RFX7: variants seen among roughly 807,000 people sequenced by gnomAD.
RFX7 encodes DNA-binding protein RFX7.
A neutral mutation model predicts 111.8 loss-of-function variants in RFX7; 26 were observed. The observed-to-expected ratio is 0.23, with a 90% CI of 0.17 to 0.32. The LOEUF (loss-of-function observed/expected upper bound fraction) is 0.32. Among genes scored for constraint, RFX7 ranks in the 10% least tolerant of loss-of-function variants. The pLI is 1.00. For missense variants in RFX7, 1,573 were observed against 1,772.9 expected, an observed-to-expected ratio of 0.89 and a Z score of 2.02; for synonymous variants, 624 against 624.4, an observed-to-expected ratio of 1.00 and a Z score of 0.01.
In RFX7 at chr15:56,117,684, C is replaced by T. The variant is rs143722004; in HGVS notation, c.402-14014G>A. 2.2e-3 allele frequency among the ~76,000 whole-genome samples: 335 copies of T among 152,198 alleles called. 1 individual carries two copies. Among genetic ancestry groups the T allele is most frequent in the Non-Finnish European group, 3.1e-3 (210 of 67,980 alleles). On this transcript the variant is annotated intron_variant, in intron 5 of 9. Transcript: ENST00000559447. ...TGTTCTACCTTTTACTTCTGTGAAA[C>T]GAACTTTTATCAACTTCCACATATG... is the stretch of plus-strand genomic sequence containing the variant.
chr15:56,113,580 G>A (rs989235778), intron 5 of RFX7, among the ~76,000 whole-genome samples: 1 of 151,774 alleles, frequency 6.6e-6, no homozygotes, highest in Admixed American at 6.6e-5. Context: ...CAGGTTGGTA[G>A]GTGCAGCAAA....
chr15:56,101,640 T>C, intron 7 of RFX7, 74 bp from the exon 8 acceptor site: 1 of 1,260,640 alleles, frequency 7.9e-7, no homozygotes, highest in Non-Finnish European at 1.1e-6. Flanking sequence ...TAAAGATATG[T>C]ATTCTTAATT....
chr15:56,181,538 A>T (rs1352498220), intron 2 of RFX7, among the ~76,000 whole-genome samples: 1 of 152,196 alleles, frequency 6.6e-6, no homozygotes, highest in Non-Finnish European at 1.5e-5. Flanking sequence ...TGGTATATGT[A>T]AGGAGTTCAA....
At chr15:56,208,284 G>C (rs1223105720) in intron 2 of RFX7, among the ~76,000 whole-genome samples, 1 of 152,120 alleles carries the variant, frequency 6.6e-6, no homozygotes, top group African/African-American at 2.4e-5. Flanking sequence ...CTGGGCAAAA[G>C]GCAAAACCCA....
chr15:56,194,636 AAAT>A (rs1445150504), intron 2 of RFX7, among the ~76,000 whole-genome samples: 1 of 152,090 alleles, frequency 6.6e-6, no homozygotes, highest in African/African-American at 2.4e-5. Flanking sequence ...ATATTTAAAA[AAAT>A]AATAATAGTC....
At chr15:56,234,522 T>C (rs556749128) in intron 2 of RFX7, among the ~76,000 whole-genome samples, 1 of 152,344 alleles carries the variant, frequency 6.6e-6, no homozygotes, top group African/African-American at 2.4e-5. Context: ...ATTGCTTTGA[T>C]ATATCTTATT....
chr15:56,237,375 G>A (rs1281707805), intron 2 of RFX7, among the ~76,000 whole-genome samples: 2 of 152,136 alleles, frequency 1.3e-5, no homozygotes, highest in African/African-American at 4.8e-5. Context: ...GGCATACTTT[G>A]TATATAGCAG....
At chr15:56,111,527 C>T (rs2140940844) in intron 5 of RFX7, among the ~76,000 whole-genome samples, 1 of 151,638 alleles carries the variant, frequency 6.6e-6, no homozygotes, top group Admixed American at 6.6e-5. Context: ...CCGCAGGGTC[C>T]TCTGCCTAGG....
At chr15:56,128,031 TGAAA>T (rs2042167658) in intron 5 of RFX7, among the ~76,000 whole-genome samples, 1 of 151,922 alleles carries the variant, frequency 6.6e-6, no homozygotes, top group Non-Finnish European at 1.5e-5. Context: ...ATAATATACA[TGAAA>T]GAAACAAAAT....
intron 3 of RFX7, among the ~76,000 whole-genome samples, chr15:56,176,241 G>T (rs1200941460): frequency 6.6e-6 from 1 of 152,068 alleles, no homozygotes; most frequent in Non-Finnish European, 1.5e-5. Context: ...AAGGGGAGGA[G>T]AGAATCAAGG....
chr15:56,157,692 G>A (rs1279353592), intron 3 of RFX7, among the ~76,000 whole-genome samples: 1 of 152,226 alleles, frequency 6.6e-6, no homozygotes, highest in Non-Finnish European at 1.5e-5. Flanking sequence ...GCATTCTCCT[G>A]CCTCAGCCTC....
intron 2 of RFX7, among the ~76,000 whole-genome samples, chr15:56,201,250 G>T (rs1217633546): frequency 6.6e-6 from 1 of 152,032 alleles, no homozygotes; most frequent in Non-Finnish European, 1.5e-5. Context: ...TCCCAAATCT[G>T]GTCCAAAAAA....
intron 3 of RFX7, among the ~76,000 whole-genome samples, chr15:56,164,665 T>C (rs1219939351): frequency 6.6e-6 from 1 of 152,206 alleles, no homozygotes; most frequent in Non-Finnish European, 1.5e-5. Context: ...TTAACTATGC[T>C]AAAATTGGAT....
intron 5 of RFX7, among the ~76,000 whole-genome samples, chr15:56,136,354 AG>A (rs1241084013): frequency 7.0e-6 from 1 of 143,140 alleles, no homozygotes; most frequent in Non-Finnish European, 1.5e-5. Context: ...TTGGATTCCT[AG>A]GTATTTTATT....
chr15:56,230,073 T>TA (rs150479611), intron 2 of RFX7, among the ~76,000 whole-genome samples: 4,081 of 151,104 alleles, frequency 0.027, 177 homozygotes, highest in African/African-American at 0.092. Context: ...TCTTGTCTCC[T>TA]AAAAAAAAAT....
At chr15:56,148,897 C>T (rs564782840) in intron 3 of RFX7, among the ~76,000 whole-genome samples, 30 of 152,090 alleles carry the variant, frequency 2.0e-4, no homozygotes, top group East Asian at 5.8e-4. Context: ...CTGGCTAACA[C>T]GGTGAAACCC....
At chr15:56,115,942 CAAA>C (rs35440094) in intron 5 of RFX7, among the ~76,000 whole-genome samples, 3 of 99,968 alleles carry the variant, frequency 3.0e-5, no homozygotes, top group South Asian at 2.9e-4. Context: ...GACTCCGTCT[CAAA>C]AAAAAAAAAA....
intron 2 of RFX7, among the ~76,000 whole-genome samples, chr15:56,220,806 T>A (rs2043419093): frequency 6.6e-6 from 1 of 152,178 alleles, no homozygotes; most frequent in South Asian, 2.1e-4. Flanking sequence ...TTTTTATAGT[T>A]TTAGGTTTTA....
Position 56,116,632 on chromosome 15 carries a change from G to C in RFX7, c.402-12962C>G, listed in dbSNP as rs372054772. Among the ~76,000 whole-genome samples, 14 of 152,206 alleles carry C rather than the reference G, an allele frequency of 9.2e-5. No homozygotes were observed. In the East Asian group the frequency reaches 2.1e-3, roughly 23 times the overall value. ...CTTAAATAGGTTCTCCGCAGAAGAC[G>C]ATACCCAGTTGGCCCAAGAACATAT... On this transcript the variant is annotated intron_variant, in intron 5 of 9. Coordinates refer to ENST00000559447, the MANE Select transcript of RFX7 (RefSeq NM_022841.7).
Sources: gnomAD v4.1 joint callset for allele counts (sites outside exome capture counted in the v4.1 genomes callset) on GRCh38, gnomAD v4.1.1 for gene constraint, MANE v1.5 for transcripts, NCBI Gene and HGNC (gene_info 2026-07-23, HGNC 2026-07-21) for gene names.